Variants in GBF1 observed in about 807,000 individuals in gnomAD.
GBF1 encodes Golgi-specific brefeldin A-resistance guanine nucleotide exchange factor 1.
Under a neutral mutation model 210.5 loss-of-function variants are expected in GBF1, and 114 were observed. That is an observed-to-expected ratio of 0.54 (90% CI 0.47 to 0.63). GBF1 has a LOEUF of 0.63. GBF1 is among the 30% of genes least tolerant of loss of function. The probability of loss-of-function intolerance (pLI) is 0.00; values close to 1 mark genes in which losing one functional copy is unlikely to be tolerated. For synonymous variants in GBF1, 850 were observed against 889.2 expected (o/e 0.96, Z 0.78); for missense variants, 1,851 against 2,357.7 (o/e 0.79, Z 4.45).
intron 3 of GBF1, among the ~76,000 whole-genome samples, chr10:102,315,117 A>G (rs993924524): frequency 9.2e-5 from 14 of 152,208 alleles, no homozygotes; most frequent in African/African-American, 3.4e-4. Flanking sequence ...AAATAACAAG[A>G]AATCTTTGAT....
chr10:102,245,166 A>G (rs1474273176), upstream of GBF1, among the ~76,000 whole-genome samples: 2 of 152,154 alleles, frequency 1.3e-5, no homozygotes, highest in African/African-American at 4.8e-5. Flanking sequence ...CAAGTTCTCA[A>G]AGCGGACCCC....
At chr10:102,377,588 C>T (rs904255092) in intron 33 of GBF1, among the ~76,000 whole-genome samples, 2 of 152,040 alleles carry the variant, frequency 1.3e-5, no homozygotes, top group Non-Finnish European at 2.9e-5. Context: ...CTCCTGACCT[C>T]GTGATCCGCC....
At chr10:102,354,663 G>A (rs1445390662) in intron 8 of GBF1, among the ~76,000 whole-genome samples, 1 of 152,174 alleles carries the variant, frequency 6.6e-6, no homozygotes, top group Non-Finnish European at 1.5e-5. Context: ...TGGTTGCCTG[G>A]ATACAGGAGA....
At position 102,381,208 on chromosome 10, in the gene GBF1, C is replaced by T; in HGVS notation, c.5255C>T (p.Pro1752Leu). The change falls in exon 39 of 40, where the codon CCT becomes CTT. Residue 1752 changes from proline (P) to leucine (L), a missense_variant. By Grantham distance (98) the Pro-to-Leu change is moderately conservative (BLOSUM62 -3). Around this residue, in one of 3 missense-constraint regions of GBF1, gnomAD observed 967 missense variants for 1,247.7 expected, o/e 0.78. Coordinates refer to ENST00000369983, the MANE Select transcript of GBF1 (RefSeq NM_001377137.1). ...LTSAAGDTRTPGHPPPPEIPS... is the reference protein window; with the variant it reads ...LTSAAGDTRTLGHPPPPEIPS... ...TCCGCTGCTGGCGACACTAGGACACCTGGCCATCCACCGCCCCCAGAGATT... is the reference window on the plus strand; with the variant it reads ...TCCGCTGCTGGCGACACTAGGACACTTGGCCATCCACCGCCCCCAGAGATT... 1.2e-6 allele frequency: 2 copies of T among 1,614,028 alleles called. No homozygotes were observed. The highest frequency in any genetic ancestry group is 8.5e-7 in the Non-Finnish European group (1 of 1,179,968).
Position 102,370,460 on chromosome 10 carries a change from G to A in GBF1, c.3488G>A (p.Arg1163Lys). ...GCTTTCTGCCTAGAGATGCTGCTAA[G>A]GATTGTGTTGGAGAACAGGTAAGAT... is the stretch of plus-strand genomic sequence containing the variant. ...DAAFCLEMLLRIVLENRDRVG... is the reference protein window; with the variant it reads ...DAAFCLEMLLKIVLENRDRVG... Residue 1163 changes from arginine to lysine, a missense_variant, in exon 28 of 40, where the codon AGG (arginine) becomes AAG (lysine). Arg to Lys is a conservative substitution (Grantham distance 26). Coordinates refer to ENST00000369983, the MANE Select transcript of GBF1 (RefSeq NM_001377137.1). The A allele has an allele frequency of 6.2e-7, 1 of 1,611,820 alleles. No individual in the cohort carries two copies. The highest frequency in any genetic ancestry group is 8.5e-7 in the Non-Finnish European group (1 of 1,177,836).
At chr10:102,359,743 C>G (rs1254793981) in intron 11 of GBF1, among the ~76,000 whole-genome samples, 1 of 150,774 alleles carries the variant, frequency 6.6e-6, no homozygotes. Flanking sequence ...GACTAGTCCC[C>G]TCATGTCCCC....
At chr10:102,334,485 G>T (rs1157828303) in intron 3 of GBF1, among the ~76,000 whole-genome samples, 1 of 152,158 alleles carries the variant, frequency 6.6e-6, no homozygotes, top group Non-Finnish European at 1.5e-5. Flanking sequence ...CAGTGCTTGA[G>T]GCCACATGTT....
chr10:102,348,041 A>G (rs965912018), intron 4 of GBF1, among the ~76,000 whole-genome samples: 1 of 152,124 alleles, frequency 6.6e-6, no homozygotes, highest in Non-Finnish European at 1.5e-5. Context: ...AGTTCAAGCA[A>G]TTCTCATGCC....
chr10:102,373,525 G>A, intron 29 of GBF1, among the ~76,000 whole-genome samples: 1 of 152,170 alleles, frequency 6.6e-6, no homozygotes, highest in African/African-American at 2.4e-5. Context: ...AGCTGAGATC[G>A]TGCCACTGCA....
chr10:102,364,396 T>C (rs1434760440), intron 17 of GBF1, among the ~76,000 whole-genome samples: 3 of 150,590 alleles, frequency 2.0e-5, no homozygotes, highest in Non-Finnish European at 4.4e-5. Context: ...GGCTAATTTT[T>C]TGTATTTTTA....
intron 23 of GBF1, 31 bp downstream of exon 23, chr10:102,368,863 G>A (rs2060053008): frequency 2.8e-6 from 4 of 1,436,924 alleles, no homozygotes; most frequent in Non-Finnish European, 3.9e-6. Context: ...TGTACTTGGA[G>A]CTCCAAAGGA....
In GBF1 at chr10:102,381,180, A is replaced by C; in HGVS notation, c.5227A>C (p.Thr1743Pro). The C allele has an allele frequency of 6.2e-7, 1 of 1,613,860 alleles. No homozygotes were observed. The highest frequency in any genetic ancestry group is 1.1e-5 in the South Asian group (1 of 91,082). ...GQKPLASAHLTSAAGDTRTPG... is the reference protein window; with the variant it reads ...GQKPLASAHLPSAAGDTRTPG... ...AAAGCCTCTCGCCTCAGCCCACCTG[A>C]CTTCCGCTGCTGGCGACACTAGGAC... The change falls in exon 39 of 40, where the codon ACT becomes CCT. Residue 1743 changes from threonine (T) to proline (P), a missense_variant. Thr to Pro is a conservative substitution (Grantham distance 38). Around this residue, in one of 3 missense-constraint regions of GBF1, gnomAD observed 967 missense variants for 1,247.7 expected, o/e 0.78. Transcript: ENST00000369983.
chr10:102,367,287 G>C lies in GBF1; in HGVS notation c.2559+77G>C, dbSNP rs2059965219. Reference sequence around the variant, plus strand: ...TAGCAGGAAGGACATAGGATTTCCAGTGGGCATGATGGATGGGGTTCTGTC... The same window carrying C: ...TAGCAGGAAGGACATAGGATTTCCACTGGGCATGATGGATGGGGTTCTGTC... On this transcript the variant is annotated intron_variant, in intron 20 of 39. Coordinates refer to ENST00000369983, the MANE Select transcript of GBF1 (RefSeq NM_001377137.1). The C allele has an allele frequency of 7.4e-6, 11 of 1,485,564 alleles. No individual in the cohort carries two copies. In the South Asian group the frequency reaches 1.3e-4, roughly 17 times the overall value. 92.0% of individuals were successfully genotyped at this position (1,485,564 alleles called of 1,614,324 possible).
chr10:102,311,223 G>A (rs928990490), intron 3 of GBF1, among the ~76,000 whole-genome samples: 1 of 152,208 alleles, frequency 6.6e-6, no homozygotes, highest in African/African-American at 2.4e-5. Flanking sequence ...GATTGCTGTG[G>A]TGTATACACA....
In GBF1 at chr10:102,258,569, C is replaced by G. The variant is rs538563678; in HGVS notation, c.-10-360C>G. Among the ~76,000 whole-genome samples, 172 of 150,090 alleles carry G rather than the reference C, an allele frequency of 1.1e-3. 2 individuals carry two copies. The South Asian group carries it at 0.035, about 30-fold the overall frequency. ...GGTGGATTACCTGAGGTCTGGAGCT[C>G]GAGACCAGCCTGACCAACACAGAGA... On this transcript the variant is annotated intron_variant, in intron 1 of 39. Coordinates refer to ENST00000369983, the MANE Select transcript of GBF1 (RefSeq NM_001377137.1).
intron 38 of GBF1, 45 bp from the exon 39 acceptor site, chr10:102,381,082 G>A (rs970819977): frequency 1.9e-6 from 3 of 1,593,920 alleles, no homozygotes; most frequent in Admixed American, 3.4e-5. Flanking sequence ...CTGCTGGAGA[G>A]AGAAAGCACT....
chr10:102,275,795 T>A (rs973496726), intron 3 of GBF1, among the ~76,000 whole-genome samples: 1 of 152,200 alleles, frequency 6.6e-6, no homozygotes, highest in African/African-American at 2.4e-5. Flanking sequence ...GAAAAAAAGT[T>A]CTTGGTTCAG....
At chr10:102,288,673 T>TGCAGTCC (rs1311096420) in intron 3 of GBF1, among the ~76,000 whole-genome samples, 3 of 140,224 alleles carry the variant, frequency 2.1e-5, no homozygotes. Flanking sequence ...ATTGCGCCAC[T>TGCAGTCC]GCAGTCCGCA....
chr10:102,307,232 T>C (rs2077968454), intron 3 of GBF1, among the ~76,000 whole-genome samples: 1 of 152,166 alleles, frequency 6.6e-6, no homozygotes, highest in African/African-American at 2.4e-5. Flanking sequence ...TACTATAACA[T>C]GGACTTCAGT....
Sources: gnomAD v4.1 joint callset for allele counts (sites outside exome capture counted in the v4.1 genomes callset) on GRCh38, gnomAD v4.1.1 for gene constraint, gnomAD v4.1.1 regional missense constraint, MANE v1.5 for transcripts, NCBI Gene and HGNC (gene_info 2026-07-23, HGNC 2026-07-21) for gene names.